NFATC1: variants seen among roughly 807,000 people sequenced by gnomAD.
NFATC1 encodes the protein nuclear factor of activated T-cells, cytoplasmic 1.
NFATC1 carries 22 observed loss-of-function variants against 76.0 expected under a neutral mutation model. The observed-to-expected ratio is 0.29, with a 90% CI of 0.21 to 0.41. The LOEUF is 0.41. NFATC1 is among the 10% of genes least tolerant of loss of function. The pLI is 1.00. For missense variants in NFATC1, 1,357 were observed against 1,337.7 expected (o/e 1.01, Z -0.23); for synonymous variants, 704 against 613.1 (o/e 1.15, Z -2.19).
At chr18:79,413,986 A>T (rs898159661) in intron 2 of NFATC1, among the ~76,000 whole-genome samples, 3 of 152,176 alleles carry the variant, frequency 2.0e-5, no homozygotes, top group African/African-American at 7.2e-5. Flanking sequence ...CTCAGTAAAT[A>T]TGTCCCAAAC....
intron 7 of NFATC1, among the ~76,000 whole-genome samples, chr18:79,461,969 C>T (rs959071812): frequency 1.3e-5 from 2 of 152,254 alleles, no homozygotes; most frequent in Admixed American, 6.5e-5. Context: ...GCGGGCGGTG[C>T]ATGTGTGCGG....
In NFATC1 at chr18:79,526,919, G is replaced by A. The variant is rs890147017; in HGVS notation, c.2783-609G>A. Among the ~76,000 whole-genome samples the A allele has an allele frequency of 7.2e-5, 11 of 152,346 alleles. 1 individual carries two copies. In the South Asian group the frequency reaches 2.1e-3, roughly 29 times the overall value. On this transcript the variant is annotated intron_variant, in intron 9 of 9. Transcript: ENST00000427363. The stretch of plus-strand genomic sequence containing the variant: ...CCAGAACCTGGGAGGGAGATGGGAC[G>A]TGGCGACAGTGCTGGTGGCACATCC...
intron 1 of NFATC1, among the ~76,000 whole-genome samples, chr18:79,401,211 C>A (rs911003040): frequency 6.6e-6 from 1 of 150,848 alleles, no homozygotes; most frequent in African/African-American, 2.4e-5. Flanking sequence ...CCAGGCTGGT[C>A]ACCGTCCGCC....
chr18:79,496,561 C>T (rs971725322), intron 9 of NFATC1: 13 of 152,250 alleles, frequency 8.5e-5, no homozygotes, highest in African/African-American at 2.7e-4. Context: ...TTCCTGATAG[C>T]AAAGTGCGTT....
intron 8 of NFATC1, chr18:79,470,658 C>T (rs571353628): frequency 6.6e-6 from 1 of 152,332 alleles, no homozygotes; most frequent in East Asian, 1.9e-4. Context: ...CAGCCGCCCG[C>T]ACTCCTCGTC....
intron 3 of NFATC1, among the ~76,000 whole-genome samples, chr18:79,446,174 A>G (rs1249328922): frequency 6.6e-6 from 1 of 152,216 alleles, no homozygotes; most frequent in Non-Finnish European, 1.5e-5. Context: ...ACTTTTCTTA[A>G]AATGAACTTC....
chr18:79,447,052 G>A (rs971482009), intron 3 of NFATC1, among the ~76,000 whole-genome samples: 4 of 152,050 alleles, frequency 2.6e-5, no homozygotes, highest in South Asian at 2.1e-4. Context: ...CTGTGGCCTC[G>A]TCCCTGGAGG....
At position 79,465,702 on chromosome 18, in the gene NFATC1, C is replaced by T. The variant is rs2088452619; in HGVS notation, c.1960-1748C>T. ...CCTCAGCTGCTTCTGCTCTAAAGAC[C>T]CACCTGGTGTAGCTGCTGACTCCAT... On this transcript the variant is annotated intron_variant, in intron 7 of 9. Coordinates refer to ENST00000427363, the MANE Select transcript of NFATC1 (RefSeq NM_001278669.2). The surrounding 1 kb of genome is among the most constrained non-coding windows in gnomAD (Gnocchi z 4.2). Among the ~76,000 whole-genome samples, 1 of 152,258 alleles carries T rather than the reference C, an allele frequency of 6.6e-6. No individual in the cohort carries two copies. Among genetic ancestry groups the T allele is most frequent in the African/African-American group, 2.4e-5 (1 of 41,470 alleles).
intron 8 of NFATC1, among the ~76,000 whole-genome samples, chr18:79,483,660 C>CCTGGGGTGT (rs2089397099): frequency 6.8e-6 from 1 of 147,002 alleles, no homozygotes; most frequent in African/African-American, 2.5e-5. Flanking sequence ...GGGTGTAATT[C>CCTGGGGTGT]CAGCGTGACC....
intron 1 of NFATC1, among the ~76,000 whole-genome samples, chr18:79,397,643 A>AT (rs909160659): frequency 1.3e-5 from 2 of 151,882 alleles, no homozygotes; most frequent in South Asian, 2.1e-4. Flanking sequence ...AGTTTAAAAA[A>AT]TTTTTTTTTG....
chr18:79,486,047 C>T (rs915152131), intron 8 of NFATC1, among the ~76,000 whole-genome samples: 4 of 151,898 alleles, frequency 2.6e-5, no homozygotes, highest in African/African-American at 9.7e-5. Flanking sequence ...AAACAGTCCT[C>T]GCCAGTATTA....
chr18:79,433,795 C>G (rs766864857), intron 3 of NFATC1, 57 bp downstream of exon 3: 1 of 1,571,928 alleles, frequency 6.4e-7, no homozygotes, highest in Non-Finnish European at 8.6e-7. Context: ...CAAAAAGTAA[C>G]TTTGGAGCCA....
At chr18:79,443,332 A>G (rs576985226) in intron 3 of NFATC1, among the ~76,000 whole-genome samples, 38 of 152,168 alleles carry the variant, frequency 2.5e-4, no homozygotes, top group Middle Eastern at 6.8e-3. Flanking sequence ...CCCCACACAC[A>G]CCGCCCTGAG....
intron 2 of NFATC1, among the ~76,000 whole-genome samples, chr18:79,431,121 G>A (rs2086574301): frequency 6.6e-6 from 1 of 152,174 alleles, no homozygotes; most frequent in Admixed American, 6.5e-5. Context: ...CACCCGCAGG[G>A]CCCAAAACCC....
At chr18:79,439,378 G>A (rs554666750) in intron 3 of NFATC1, among the ~76,000 whole-genome samples, 5 of 152,258 alleles carry the variant, frequency 3.3e-5, no homozygotes, top group South Asian at 2.1e-4. Flanking sequence ...GCCCACGCAC[G>A]GGGAGGACGC....
chr18:79,453,114 G>A (rs1229341565), intron 6 of NFATC1, among the ~76,000 whole-genome samples: 2 of 152,266 alleles, frequency 1.3e-5, no homozygotes, highest in African/African-American at 4.8e-5. Flanking sequence ...GCCTTCTCGG[G>A]AGGAGGCTAA....
chr18:79,499,974 T>C lies in NFATC1; in HGVS notation c.2782+13037T>C, dbSNP rs535345873. On this transcript the variant is annotated intron_variant, in intron 9 of 9. Transcript: ENST00000427363. ...GCACATAACAGAGCCCCATAATACA[T>C]GAAACAAGAACTGACAGAATTAAAG... Among the ~76,000 whole-genome samples, 7 of 152,080 alleles carry C rather than the reference T, an allele frequency of 4.6e-5. No homozygotes were observed. The South Asian group carries it at 1.5e-3, about 32-fold the overall frequency.
At position 79,410,684 on chromosome 18, in the gene NFATC1, C is replaced by T. The variant is rs1475880385; in HGVS notation, c.409C>T (p.His137Tyr). ...GLYHNNNQFF[H>Y]DVEVEDVLPS... The stretch of plus-strand genomic sequence containing the variant: ...GTACCACAACAATAACCAGTTTTTC[C>T]ACGATGTGGAGGTGGAAGACGTCCT... The change falls in exon 2 of 10, where the codon CAC becomes TAC. Residue 137 changes from histidine to tyrosine, a missense_variant. His to Tyr is a moderately conservative substitution (Grantham distance 83). Coordinates refer to ENST00000427363, the MANE Select transcript of NFATC1 (RefSeq NM_001278669.2). This position sits in a 1 kb window ranked among gnomAD's most constrained non-coding sequence, Gnocchi z 6.7. 1.2e-6 allele frequency: 2 copies of T among 1,613,116 alleles called. No individual in the cohort carries two copies. The highest frequency in any genetic ancestry group is 8.5e-7 in the Non-Finnish European group (1 of 1,180,012).
At chr18:79,472,862 G>A (rs891629966) in intron 8 of NFATC1, among the ~76,000 whole-genome samples, 4 of 152,224 alleles carry the variant, frequency 2.6e-5, no homozygotes, top group Admixed American at 6.5e-5. Context: ...TCCATGTGTC[G>A]GCTGTGGGCA....
Sources: allele counts gnomAD v4.1 joint callset (sites outside exome capture counted in the v4.1 genomes callset), GRCh38; gene constraint gnomAD v4.1.1; non-coding constraint Gnocchi (gnomAD v3.1); transcripts MANE v1.5; gene names NCBI Gene and HGNC (gene_info 2026-07-23, HGNC 2026-07-21).